Variants in BACH1 observed in about 807,000 individuals in gnomAD.
BACH1 encodes BTB domain and CNC homolog 1, also known as transcription regulator protein BACH1.
BACH1 carries 35 observed loss-of-function variants against 52.9 expected under a neutral mutation model. The observed-to-expected ratio is 0.66, with a 90% CI of 0.51 to 0.88. The LOEUF is 0.88. Among genes scored for constraint, BACH1 ranks in the 40% least tolerant of loss-of-function variants. The pLI is 0.00. For synonymous variants in BACH1, 321 were observed against 319.6 expected, an observed-to-expected ratio of 1.00 and a Z score of -0.05; for missense variants, 808 against 872.6, an observed-to-expected ratio of 0.93 and a Z score of 0.93.
intron 4 of BACH1, among the ~76,000 whole-genome samples, chr21:29,337,412 T>C (rs1601364739): frequency 6.6e-6 from 1 of 152,360 alleles, no homozygotes; most frequent in East Asian, 1.9e-4. Context: ...AAAAGTACAT[T>C]AGAAATCCTG....
intron 1 of BACH1, among the ~76,000 whole-genome samples, chr21:29,300,377 A>G (rs956490852): frequency 2.6e-5 from 4 of 152,192 alleles, no homozygotes; most frequent in Non-Finnish European, 5.9e-5. Flanking sequence ...TACTCTCATC[A>G]CATGCCTCCA....
chr21:29,326,423 A>G lies in BACH1; in HGVS notation c.599A>G (p.Gln200Arg), dbSNP rs771966161. Reference protein sequence around the residue: ...QGNAKASPPLQDSASQTYESM... With the variant: ...QGNAKASPPLRDSASQTYESM... ...AATGCAAAAGCCTCACCTCCTCTAC[A>G]AGACAGTGCCAGTCAGACATATGAG... Residue 200 changes from glutamine (Q) to arginine (R), a missense_variant, in exon 3 of 5, where the codon CAA becomes CGA. Coordinates refer to ENST00000286800, the MANE Select transcript of BACH1 (RefSeq NM_001186.4). 3.7e-6 allele frequency: 6 copies of G among 1,614,096 alleles called. No homozygotes were observed. The African/African-American group carries it at 4.0e-5, about 11-fold the overall frequency.
rs563234308 is a variant in BACH1 at position 29,317,035 on chromosome 21, A to G, written c.-60-4186A>G. 1.8e-3 allele frequency among the ~76,000 whole-genome samples: 277 copies of G among 152,352 alleles called. 3 individuals carry two copies. Among genetic ancestry groups the G allele is most frequent in the African/African-American group, 6.5e-3 (270 of 41,578 alleles). Reference sequence around the variant, plus strand: ...GGAGGTGAGTGGCTGTCCAGTGAGCATTACTGCTTGAGCTCCACCTCCTGT... The same window carrying G: ...GGAGGTGAGTGGCTGTCCAGTGAGCGTTACTGCTTGAGCTCCACCTCCTGT... On this transcript the variant is annotated intron_variant, in intron 1 of 4. Transcript: ENST00000286800.
At chr21:29,353,305 T>G (rs1018378707) in intron 2 of BACH1, among the ~76,000 whole-genome samples, 17 of 152,174 alleles carry the variant, frequency 1.1e-4, no homozygotes, top group Non-Finnish European at 1.2e-4. Context: ...ATGGTTGTAG[T>G]AAGAATCAAA....
chr21:29,310,283 T>C (rs2088706101), intron 1 of BACH1, among the ~76,000 whole-genome samples: 1 of 152,350 alleles, frequency 6.6e-6, no homozygotes, highest in Non-Finnish European at 1.5e-5. Flanking sequence ...TTTATAGTTA[T>C]TTATTCCAAC....
In BACH1 at chr21:29,326,767, A is replaced by G. The variant is rs751284536; in HGVS notation, c.943A>G (p.Ile315Val). Residue 315 changes from isoleucine (I) to valine (V), a missense_variant, in exon 3 of 5, where the codon ATA becomes GTA. By Grantham distance (29) the Ile-to-Val change is conservative. Transcript: ENST00000286800. The part of the protein sequence containing the change: ...EVTPFPHNSS[I>V]DPHGLYSLSL... ...GACTCCTTTCCCCCACAATTCTTCCATAGACCCTCATGGACTTTATTCTTT... is the reference window on the plus strand; with the variant it reads ...GACTCCTTTCCCCCACAATTCTTCCGTAGACCCTCATGGACTTTATTCTTT... 11 of 1,614,060 alleles carry G rather than the reference A, an allele frequency of 6.8e-6. No homozygotes were observed. The highest frequency in any genetic ancestry group is 6.7e-5 in the Admixed American group (4 of 60,032).
At chr21:29,309,119 G>T (rs2088691347) in intron 1 of BACH1, among the ~76,000 whole-genome samples, 1 of 152,062 alleles carries the variant, frequency 6.6e-6, no homozygotes, top group South Asian at 2.1e-4. Flanking sequence ...TTATCTGGGC[G>T]TGGTGATGCT....
intron 2 of BACH1, among the ~76,000 whole-genome samples, chr21:29,324,451 T>C (rs1367144464): frequency 6.6e-6 from 1 of 152,238 alleles, no homozygotes. Context: ...GTATATTACC[T>C]CTTAGGATTG....
chr21:29,315,303 T>C (rs1210454501), intron 1 of BACH1, among the ~76,000 whole-genome samples: 1 of 152,136 alleles, frequency 6.6e-6, no homozygotes, highest in East Asian at 1.9e-4. Flanking sequence ...AGTTTGAAGC[T>C]TGGGCTTAGG....
chr21:29,338,024 C>T (rs1409452436), intron 4 of BACH1, among the ~76,000 whole-genome samples: 1 of 152,144 alleles, frequency 6.6e-6, no homozygotes, highest in Non-Finnish European at 1.5e-5. Context: ...AACAAACCTG[C>T]ACGTTGTGCA....
At chr21:29,313,884 T>C (rs1457512823) in intron 1 of BACH1, among the ~76,000 whole-genome samples, 1 of 151,996 alleles carries the variant, frequency 6.6e-6, no homozygotes. Flanking sequence ...TTTGTCTTGG[T>C]TGGGGGGGGT....
At chr21:29,318,017 G>C (rs2088807722) in intron 1 of BACH1, among the ~76,000 whole-genome samples, 1 of 152,076 alleles carries the variant, frequency 6.6e-6, no homozygotes, top group African/African-American at 2.4e-5. Flanking sequence ...CACTGGGCCT[G>C]TATTTTTCAT....
intron 2 of BACH1, among the ~76,000 whole-genome samples, chr21:29,358,807 A>AG (rs2089253549): frequency 7.5e-6 from 1 of 133,276 alleles, no homozygotes; most frequent in South Asian, 2.4e-4. Flanking sequence ...AGAAAGAAAG[A>AG]AAGAAAGAAG....
chr21:29,299,611 G>T (rs961110968), intron 1 of BACH1: 2 of 152,230 alleles, frequency 1.3e-5, no homozygotes, highest in Non-Finnish European at 2.9e-5. Context: ...GAGAGTGGGC[G>T]TTGATTCTGG....
rs1028134027 is a variant in BACH1 at position 29,344,569 on chromosome 21, T to C, written c.*1736T>C. The C allele has an allele frequency of 7.9e-5, 12 of 152,542 alleles. No individual in the cohort carries two copies. Among genetic ancestry groups the C allele is most frequent in the African/African-American group, 2.4e-4 (10 of 41,452 alleles). 9.4% of individuals were successfully genotyped at this position (152,542 alleles called of 1,614,324 possible). A position where few individuals can be genotyped will look rare whatever the true frequency, so the allele number is the denominator to read the frequency against. The stretch of plus-strand genomic sequence containing the variant: ...CTTGTTTATTTTCTAGTAGCTTTTA[T>C]AAGTACACTCAAGAATTTGTCAGGG... On this transcript the variant is annotated 3_prime_UTR_variant, in exon 5 of 5. Coordinates refer to ENST00000286800, the MANE Select transcript of BACH1 (RefSeq NM_001186.4).
chr21:29,311,769 ACT>A (rs1325541969), intron 1 of BACH1, among the ~76,000 whole-genome samples: 9 of 151,672 alleles, frequency 5.9e-5, no homozygotes, highest in African/African-American at 2.2e-4. Flanking sequence ...GTGCCTTTTG[ACT>A]CTGCACATTG....
rs1432190953 is a variant in BACH1 at position 29,342,506 on chromosome 21, A to G, written c.1884A>G (p.Ala628=). 6.2e-7 allele frequency: 1 copy of G among 1,614,256 alleles called. No homozygotes were observed. Among genetic ancestry groups the G allele is most frequent in the Non-Finnish European group, 8.5e-7 (1 of 1,180,046 alleles). The change falls in exon 5 of 5, where the codon GCA becomes GCG. Residue 628 remains alanine, a synonymous_variant. Transcript: ENST00000286800. ...TTTGCCAGAAAGTTTGTAAAGAAGCAGCTCTGAGTCAAGAACAAATACAGA... is the reference window on the plus strand; with the variant it reads ...TTTGCCAGAAAGTTTGTAAAGAAGCGGCTCTGAGTCAAGAACAAATACAGA... ...TGLCQKVCKE[A]ALSQEQIQIL...
chr21:29,342,542 G>A lies in BACH1; in HGVS notation c.1920G>A (p.Lys640=). 1 of 1,614,188 alleles carries A rather than the reference G, an allele frequency of 6.2e-7. No homozygotes were observed. Among genetic ancestry groups the A allele is most frequent in the African/African-American group, 1.3e-5 (1 of 75,042 alleles). ...AAGAACAAATACAGATACTCGCCAA[G>A]TACTCAGCTGCAGATTGCCCACTTT... ...LSQEQIQILA[K]YSAADCPLSF... Residue 640 remains lysine (K), a synonymous_variant, in exon 5 of 5, where the codon AAG becomes AAA. Transcript: ENST00000286800.
downstream of BACH1, among the ~76,000 whole-genome samples, chr21:29,349,318 A>G (rs2089189388): frequency 6.6e-6 from 1 of 152,132 alleles, no homozygotes; most frequent in East Asian, 1.9e-4. Flanking sequence ...AGCTGCCTTG[A>G]AAATCGGTGA....
Sources: allele counts gnomAD v4.1 joint callset (sites outside exome capture counted in the v4.1 genomes callset), GRCh38; gene constraint gnomAD v4.1.1; transcripts MANE v1.5; gene names NCBI Gene and HGNC (gene_info 2026-07-23, HGNC 2026-07-21).